Variants in GRIK2 observed in about 807,000 individuals in gnomAD.
GRIK2 encodes glutamate receptor ionotropic, kainate 2.
GRIK2 carries 32 observed loss-of-function variants against 100.3 expected under a neutral mutation model. That is an observed-to-expected ratio of 0.32 (90% CI 0.24 to 0.43). The LOEUF (loss-of-function observed/expected upper bound fraction) is 0.43. Among genes scored for constraint, GRIK2 ranks in the 20% least tolerant of loss-of-function variants. The probability of loss-of-function intolerance (pLI) is 1.00; values close to 1 mark genes in which losing one functional copy is unlikely to be tolerated. For missense variants in GRIK2, 843 were observed against 1,114.9 expected, an observed-to-expected ratio of 0.76 and a Z score of 3.47; for synonymous variants, 417 against 389.4, an observed-to-expected ratio of 1.07 and a Z score of -0.83.
intron 5 of GRIK2, among the ~76,000 whole-genome samples, chr6:101,679,314 A>G (rs1293409170): frequency 6.6e-6 from 1 of 152,140 alleles, no homozygotes; most frequent in Non-Finnish European, 1.5e-5. Context: ...TGAAAAATAA[A>G]CTGGTTGCAT....
chr6:101,832,767 T>A (rs924905538), intron 10 of GRIK2, among the ~76,000 whole-genome samples: 4 of 152,164 alleles, frequency 2.6e-5, no homozygotes, highest in Admixed American at 6.5e-5. Context: ...CAGGTGCCCA[T>A]TATTATAAAT....
intron 7 of GRIK2, among the ~76,000 whole-genome samples, chr6:101,707,545 T>C (rs1025567486): frequency 8.0e-6 from 1 of 125,520 alleles, no homozygotes; most frequent in South Asian, 2.3e-4. Flanking sequence ...TGTATATATG[T>C]ATATATGTGT....
At chr6:101,482,387 T>C (rs1017466697) in intron 2 of GRIK2, among the ~76,000 whole-genome samples, 2 of 152,018 alleles carry the variant, frequency 1.3e-5, no homozygotes, top group Non-Finnish European at 2.9e-5. Flanking sequence ...CTGCCTTGAG[T>C]GAAATGGGTT....
At chr6:101,911,295 T>C (rs2791769) in intron 12 of GRIK2, among the ~76,000 whole-genome samples, 142,667 of 151,426 alleles carry the variant, frequency 0.94, 67,234 homozygotes, top group Middle Eastern at 0.97. Context: ...ATTACAAAAC[T>C]GTTTGCCTCA....
chr6:101,805,356 C>T (rs974220902), intron 9 of GRIK2, among the ~76,000 whole-genome samples: 1 of 151,082 alleles, frequency 6.6e-6, no homozygotes, highest in African/African-American at 2.4e-5. Flanking sequence ...CCCTCTTGGA[C>T]AGTCTGAAGT....
intron 12 of GRIK2, among the ~76,000 whole-genome samples, chr6:101,910,862 C>CACACAT (rs1378134063): frequency 6.6e-6 from 1 of 150,704 alleles, no homozygotes; most frequent in East Asian, 1.9e-4. Context: ...CACACACACA[C>CACACAT]ACATACACAA....
chr6:101,702,521 T>C (rs992265074), intron 7 of GRIK2, among the ~76,000 whole-genome samples: 2 of 152,036 alleles, frequency 1.3e-5, no homozygotes, highest in Non-Finnish European at 2.9e-5. Context: ...TAGGATCTTA[T>C]GGTATACACA....
chr6:101,846,139 C>T (rs1282164749), intron 10 of GRIK2, among the ~76,000 whole-genome samples: 1 of 151,916 alleles, frequency 6.6e-6, no homozygotes, highest in Non-Finnish European at 1.5e-5. Context: ...AATGTCCTTT[C>T]ATACACAAAA....
intron 7 of GRIK2, among the ~76,000 whole-genome samples, chr6:101,783,733 T>C (rs1443862951): frequency 6.6e-6 from 1 of 152,180 alleles, no homozygotes; most frequent in Non-Finnish European, 1.5e-5. Context: ...CAGATGCAGA[T>C]GAAGAACTTG....
intron 11 of GRIK2, among the ~76,000 whole-genome samples, chr6:101,864,523 T>A (rs1249041035): frequency 6.6e-6 from 1 of 152,232 alleles, no homozygotes; most frequent in African/African-American, 2.4e-5. Flanking sequence ...AAGACTGAGC[T>A]ACTTAATGGG....
chr6:101,789,691 T>G (rs1318136572), intron 7 of GRIK2, among the ~76,000 whole-genome samples: 1 of 152,226 alleles, frequency 6.6e-6, no homozygotes, highest in Non-Finnish European at 1.5e-5. Flanking sequence ...CGATGCGGGC[T>G]CTTTTTTGGT....
At chr6:101,616,774 C>T (rs969411212) in intron 2 of GRIK2, among the ~76,000 whole-genome samples, 2 of 151,738 alleles carry the variant, frequency 1.3e-5, no homozygotes, top group Non-Finnish European at 3.0e-5. Flanking sequence ...TGTGCTCTTT[C>T]TTACACCTCA....
intron 12 of GRIK2, among the ~76,000 whole-genome samples, chr6:101,909,809 T>A (rs902363641): frequency 4.0e-5 from 6 of 151,176 alleles, no homozygotes; most frequent in African/African-American, 1.5e-4. Context: ...TATAGATTAA[T>A]TCTCATTAAC....
intron 14 of GRIK2, among the ~76,000 whole-genome samples, chr6:101,982,353 A>T (rs568084998): frequency 3.2e-4 from 49 of 151,976 alleles, no homozygotes; most frequent in South Asian, 2.1e-3. Context: ...AATTATATGG[A>T]GTTAAGTGAC....
chr6:102,015,526 A>T (rs1795789551), intron 14 of GRIK2, among the ~76,000 whole-genome samples: 1 of 152,206 alleles, frequency 6.6e-6, no homozygotes, highest in African/African-American at 2.4e-5. Flanking sequence ...ACAGATGTGC[A>T]AACAGTTGCT....
At chr6:101,964,281 G>A (rs1457970531) in intron 14 of GRIK2, among the ~76,000 whole-genome samples, 1 of 151,698 alleles carries the variant, frequency 6.6e-6, no homozygotes, top group Non-Finnish European at 1.5e-5. Flanking sequence ...TTTTGTGTAT[G>A]ATATAACATA....
chr6:101,579,436 A>T, intron 2 of GRIK2, among the ~76,000 whole-genome samples: 1 of 149,168 alleles, frequency 6.7e-6, no homozygotes, highest in African/African-American at 2.5e-5. Flanking sequence ...TTTATCTTTT[A>T]TTTCTTTTTT....
chr6:101,836,657 A>ATCT (rs1371506983), intron 10 of GRIK2, among the ~76,000 whole-genome samples: 2 of 39,496 alleles, frequency 5.1e-5, no homozygotes, highest in African/African-American at 7.3e-5. Flanking sequence ...ATATATATAT[A>ATCT]TATATTTTTT....
rs533427867 is a variant in GRIK2, at chr6:101,466,581, G to T, written c.115+67189G>T. On this transcript the variant is annotated intron_variant, in intron 2 of 16. Coordinates refer to ENST00000369134, the MANE Select transcript of GRIK2 (RefSeq NM_021956.5). ...ACAACAAAGCTGGCACTCTTTAAAAGGCTGCTTTTTTCTAAAAAAAAAAAA... is the reference window on the plus strand; with the variant it reads ...ACAACAAAGCTGGCACTCTTTAAAATGCTGCTTTTTTCTAAAAAAAAAAAA... 1.0e-4 allele frequency among the ~76,000 whole-genome samples: 15 copies of T among 147,734 alleles called. No individual in the cohort carries two copies. In the East Asian group the frequency reaches 2.8e-3, roughly 28 times the overall value.
Sources: allele counts gnomAD v4.1 joint callset (sites outside exome capture counted in the v4.1 genomes callset), GRCh38; gene constraint gnomAD v4.1.1; transcripts MANE v1.5; gene names NCBI Gene and HGNC (gene_info 2026-07-23, HGNC 2026-07-21).